Variants in UVSSA observed in about 807,000 individuals in gnomAD.
The protein encoded by UVSSA is UV-stimulated scaffold protein A.
UVSSA carries 72 observed loss-of-function variants against 73.9 expected under a neutral mutation model. That is an observed-to-expected ratio of 0.97 (90% confidence interval 0.81 to 1.19). The LOEUF is 1.19. UVSSA is among the 50% of genes most tolerant of loss of function. The pLI is 0.00. For missense variants in UVSSA, 1,150 were observed against 965.0 expected (o/e 1.19, Z -2.54); for synonymous variants, 454 against 391.3 (o/e 1.16, Z -1.89).
chr4:1,357,205 C>T (rs1237382344), intron 7 of UVSSA, among the ~76,000 whole-genome samples: 1 of 147,760 alleles, frequency 6.8e-6, no homozygotes, highest in East Asian at 2.0e-4. Flanking sequence ...ATGGTCTGGT[C>T]TCATCAGGCC....
chr4:1,347,832 G>C (rs547549432), intron 1 of UVSSA, 72 bp downstream of exon 1: 161 of 410,754 alleles, frequency 3.9e-4, no homozygotes, highest in Non-Finnish European at 6.1e-4. Flanking sequence ...TTCCTTTAAC[G>C]CACGACCCTC....
chr4:1,385,454 C>T, intron 13 of UVSSA: 1 of 214,872 alleles, frequency 4.7e-6, no homozygotes, highest in South Asian at 7.5e-5. Context: ...CCAGCCCTGG[C>T]CGTGGAGCCG....
chr4:1,345,511 G>T (rs146850786), upstream of UVSSA, among the ~76,000 whole-genome samples: 33 of 152,158 alleles, frequency 2.2e-4, no homozygotes, highest in African/African-American at 7.7e-4. Flanking sequence ...TGGGCGTGGT[G>T]GCGGGTGACT....
chr4:1,345,347 AGGCCCAGGCACGGT>A (rs138914105), upstream of UVSSA, among the ~76,000 whole-genome samples: 2,318 of 152,178 alleles, frequency 0.015, 65 homozygotes, highest in African/African-American at 0.051. Flanking sequence ...GATGCAGGGC[AGGCCCAGGCACGGT>A]GGCCCAGGCA....
chr4:1,342,229 G>A (rs542970203), upstream of UVSSA, among the ~76,000 whole-genome samples: 1 of 152,342 alleles, frequency 6.6e-6, no homozygotes, highest in East Asian at 1.9e-4. Flanking sequence ...GCAGCAGTGT[G>A]AGGATTCCAG....
At chr4:1,367,034 C>T (rs773827307) in intron 8 of UVSSA, among the ~76,000 whole-genome samples, 12 of 152,208 alleles carry the variant, frequency 7.9e-5, no homozygotes, top group Non-Finnish European at 1.8e-4. Flanking sequence ...TCCCCGCTTA[C>T]GGGGGTCACA....
chr4:1,346,279 C>T (rs1030052294), upstream of UVSSA, among the ~76,000 whole-genome samples: 9 of 152,252 alleles, frequency 5.9e-5, no homozygotes, highest in African/African-American at 2.2e-4. Context: ...GAAAAAGAAA[C>T]CCCGGCCCGC....
chr4:1,372,769 TCAGGGCACTCACCTCCCGCGTC>T (rs1718248575), intron 8 of UVSSA, among the ~76,000 whole-genome samples: 4 of 47,834 alleles, frequency 8.4e-5, no homozygotes, highest in East Asian at 6.1e-4. Flanking sequence ...CTCCCGCGTC[TCAGGGCACTCACCTCCCGCGTC>T]CCTGCACTCA....
intron 7 of UVSSA, among the ~76,000 whole-genome samples, chr4:1,364,284 G>A (rs190683658): frequency 1.6e-5 from 2 of 126,616 alleles, no homozygotes; most frequent in African/African-American, 6.5e-5. Context: ...GCAGGGTGCT[G>A]GTGCCCGGGC....
intron 7 of UVSSA, among the ~76,000 whole-genome samples, chr4:1,361,792 A>G (rs552746963): frequency 2.0e-5 from 3 of 152,234 alleles, no homozygotes; most frequent in South Asian, 4.2e-4. Context: ...ACACATAGCC[A>G]TCAAGGCGCT....
exon 14 of UVSSA, chr4:1,395,843 G>C (rs1235686637): frequency 6.2e-7 from 1 of 1,613,100 alleles, no homozygotes; most frequent in Non-Finnish European, 8.5e-7. Context: ...TGCACCTCGA[G>C]ATAACGTAGG....
At chr4:1,388,687 A>G (rs1033679383), downstream of UVSSA, 1 of 152,238 alleles carries the variant, frequency 6.6e-6, no homozygotes, top group Admixed American at 6.5e-5. Flanking sequence ...ATTTTGTCAG[A>G]TGCTTTTTCT....
chr4:1,370,569 C>T (rs747677419), intron 8 of UVSSA, among the ~76,000 whole-genome samples: 32 of 152,276 alleles, frequency 2.1e-4, no homozygotes, highest in Non-Finnish European at 4.1e-4. Flanking sequence ...GCGGGACAGG[C>T]ACCTTCTGTG....
chr4:1,387,389 T>A lies in UVSSA; in HGVS notation c.*1428T>A, dbSNP rs1374742466. The A allele has an allele frequency of 6.6e-6, 1 of 152,214 alleles. No individual in the cohort carries two copies. The highest frequency in any genetic ancestry group is 2.4e-5 in the African/African-American group (1 of 41,446). The allele number at this position is 152,214 out of a possible 1,614,324, so 9.4% of individuals were successfully genotyped here. On this transcript the variant is annotated 3_prime_UTR_variant, in exon 14 of 14. Transcript: ENST00000389851. ...CCGCACTCAGCTGATTTGCAAAAAC[T>A]TTCTTCCATACTGTTGTTTCACTTT...
rs1553887416 is a variant in UVSSA at position 1,383,941 on chromosome 4, G to GT, written c.2036+2dup. The GT allele has an allele frequency of 6.2e-7, 1 of 1,609,298 alleles. No homozygotes were observed. Among genetic ancestry groups the GT allele is most frequent in the Non-Finnish European group, 8.5e-7 (1 of 1,178,134 alleles). On this transcript the variant is annotated splice_donor_variant, in intron 13 of 13. Coordinates refer to ENST00000389851, the MANE Select transcript of UVSSA (RefSeq NM_020894.4). LOFTEE classifies it high-confidence loss of function. ...GCATTGGGAGAAAAGTCTTCGCCAA[G>GT]TAAGAGTGGCTGCTGGGTCACCTCC...
At chr4:1,353,948 C>T (rs992096716) in intron 5 of UVSSA, among the ~76,000 whole-genome samples, 3 of 152,216 alleles carry the variant, frequency 2.0e-5, no homozygotes, top group Non-Finnish European at 2.9e-5. Context: ...CCGCCCCCGC[C>T]CCCCAGCCCC....
intron 8 of UVSSA, among the ~76,000 whole-genome samples, chr4:1,367,269 T>C (rs11247997): frequency 0.3 from 45,483 of 152,146 alleles, 8,085 homozygotes; most frequent in Non-Finnish European, 0.4. Flanking sequence ...GGGATGGGCG[T>C]GGACCCAGGT....
chr4:1,355,074 C>T lies in UVSSA; in HGVS notation c.1048-43C>T, dbSNP rs756295966. 10 of 1,604,562 alleles carry T rather than the reference C, an allele frequency of 6.2e-6. No homozygotes were observed. The African/African-American group carries it at 1.2e-4, about 19-fold the overall frequency. ...TCCCAGCAGGACAGCTTCCCAGGTC[C>T]TGCCCGGCCGGCCCCTGAGCTGTTC... On this transcript the variant is annotated intron_variant, in intron 6 of 13. Coordinates refer to ENST00000389851, the MANE Select transcript of UVSSA (RefSeq NM_020894.4).
At position 1,386,099 on chromosome 4, in the gene UVSSA, A is replaced by G. The variant is rs1398133564; in HGVS notation, c.*138A>G. On this transcript the variant is annotated 3_prime_UTR_variant, in exon 14 of 14. Transcript: ENST00000389851. ...TGATGTAAAGAAATGGTGTGTTGCA[A>G]TGCCCTGAAGGTACGGCCGCTCTGC... is the stretch of plus-strand genomic sequence containing the variant. The G allele has an allele frequency of 7.5e-6, 7 of 936,414 alleles. No homozygotes were observed. The highest frequency in any genetic ancestry group is 4.9e-5 in the African/African-American group (3 of 61,774). The allele number at this position is 936,414 out of a possible 1,614,324, so 58.0% of individuals were successfully genotyped here. A position where few individuals can be genotyped will look rare whatever the true frequency, so the allele number is the denominator to read the frequency against.
Sources: gnomAD v4.1 joint callset for allele counts (sites outside exome capture counted in the v4.1 genomes callset) on GRCh38, gnomAD v4.1.1 for gene constraint, MANE v1.5 for transcripts, NCBI Gene and HGNC (gene_info 2026-07-23, HGNC 2026-07-21) for gene names.